FBXO7: variants seen among roughly 807,000 people sequenced by gnomAD.
FBXO7 encodes the protein F-box protein 7, also known as F-box only protein 7.
Under a neutral mutation model 50.2 loss-of-function variants are expected in FBXO7, and 31 were observed. The observed-to-expected ratio is 0.62, with a 90% CI of 0.46 to 0.83. The LOEUF (loss-of-function observed/expected upper bound fraction) is 0.83. Ranked by LOEUF, FBXO7 falls within the 40% of genes least tolerant of loss-of-function variation. FBXO7 has a pLI of 0.00. For missense variants in FBXO7, 667 were observed against 646.6 expected (o/e 1.03, Z -0.34); for synonymous variants, 256 against 253.1 (o/e 1.01, Z -0.11).
Position 32,474,943 on chromosome 22 carries a change from C to T in FBXO7, c.-60C>T. On this transcript the variant is annotated 5_prime_UTR_variant, in exon 1 of 9. Coordinates refer to ENST00000266087, the MANE Select transcript of FBXO7 (RefSeq NM_012179.4). Reference sequence around the variant, plus strand: ...CCGTTTGGGGCGGGAGCTGCTCGGCCCCGCCGCCGTCCCCGTCGCCGCTTC... The same window carrying T: ...CCGTTTGGGGCGGGAGCTGCTCGGCTCCGCCGCCGTCCCCGTCGCCGCTTC... 2.0e-6 allele frequency: 3 copies of T among 1,480,870 alleles called. No individual in the cohort carries two copies. Among genetic ancestry groups the T allele is most frequent in the South Asian group, 1.3e-5 (1 of 77,712 alleles). The allele number at this position is 1,480,870 out of a possible 1,614,324, so 91.7% of individuals were successfully genotyped here.
chr22:32,495,437 T>G (rs2057567801), intron 7 of FBXO7, 56 bp from the exon 8 acceptor site: 3 of 1,222,148 alleles, frequency 2.5e-6, no homozygotes, highest in Non-Finnish European at 3.6e-6. Flanking sequence ...ACCCACTGTT[T>G]AATGCAGGAC....
intron 4 of FBXO7, among the ~76,000 whole-genome samples, chr22:32,486,356 CAG>C (rs1433227115): frequency 2.6e-5 from 4 of 151,762 alleles, no homozygotes; most frequent in Non-Finnish European, 5.9e-5. Context: ...TTTTTTGAGA[CAG>C]GGTCTTGCTC....
intron 2 of FBXO7, 39 bp downstream of exon 2, chr22:32,479,314 A>G (rs1601503875): frequency 6.3e-7 from 1 of 1,588,898 alleles, no homozygotes. Flanking sequence ...AGAGTAGGTG[A>G]TAAGTCATAT....
chr22:32,492,649 C>A, intron 6 of FBXO7: 1 of 220,388 alleles, frequency 4.5e-6, no homozygotes, highest in Non-Finnish European at 9.1e-6. Context: ...TAATATTAAT[C>A]CATTTTACAG....
At chr22:32,491,013 G>A in intron 5 of FBXO7, 73 bp from the exon 6 acceptor site, 1 of 1,000,170 alleles carries the variant, frequency 1.0e-6, no homozygotes, top group Non-Finnish European at 1.6e-6. Context: ...CATGTTGATT[G>A]GGTTTGGCAG....
chr22:32,476,762 T>G (rs2057431661), intron 1 of FBXO7, among the ~76,000 whole-genome samples: 1 of 152,232 alleles, frequency 6.6e-6, no homozygotes, highest in South Asian at 2.1e-4. Context: ...TAGGCAGAGC[T>G]GCCATGAAAT....
chr22:32,479,398 T>TTTA, intron 2 of FBXO7, 123 bp downstream of exon 2: 1 of 890,230 alleles, frequency 1.1e-6, no homozygotes, highest in Non-Finnish European at 1.6e-6. Context: ...TATATATTTT[T>TTTA]TTCTTTTTTT....
intron 2 of FBXO7, among the ~76,000 whole-genome samples, chr22:32,480,911 C>T (rs2057460513): frequency 6.6e-6 from 1 of 152,148 alleles, no homozygotes; most frequent in Non-Finnish European, 1.5e-5. Context: ...AGTGACCTGC[C>T]CACCTTGGCC....
chr22:32,486,099 A>T (rs2145995124), intron 4 of FBXO7, among the ~76,000 whole-genome samples: 1 of 152,278 alleles, frequency 6.6e-6, no homozygotes, highest in Non-Finnish European at 1.5e-5. Flanking sequence ...GGTTTTCAGT[A>T]TGTTCTGTAG....
In FBXO7 at chr22:32,498,421, C is replaced by T. The variant is rs146238351; in HGVS notation, c.1460C>T (p.Pro487Leu). Residue 487 changes from proline (P) to leucine (L), a missense_variant, in exon 9 of 9, where the codon CCA (proline) becomes CTA (leucine). Transcript: ENST00000266087. Reference sequence around the variant, plus strand: ...AGACCACGCTTTGATCCAGTTGGCCCACTTCCAGGACCTAACCCCATCTTG... The same window carrying T: ...AGACCACGCTTTGATCCAGTTGGCCTACTTCCAGGACCTAACCCCATCTTG... ...PLRPRFDPVG[P>L]LPGPNPILPG... The T allele has an allele frequency of 6.8e-6, 11 of 1,614,074 alleles. No individual in the cohort carries two copies. The highest frequency in any genetic ancestry group is 9.3e-6 in the Non-Finnish European group (11 of 1,180,038).
chr22:32,497,738 G>A (rs2057584502), intron 8 of FBXO7, among the ~76,000 whole-genome samples: 1 of 152,172 alleles, frequency 6.6e-6, no homozygotes, highest in Admixed American at 6.5e-5. Flanking sequence ...CTTCACTGTT[G>A]TATTATTTTA....
intron 1 of FBXO7, 65 bp downstream of exon 1, chr22:32,475,189 G>T: frequency 6.6e-7 from 1 of 1,517,426 alleles, no homozygotes; most frequent in South Asian, 1.2e-5. Context: ...GGTGCAGGGC[G>T]GGTTGGCGTC....
chr22:32,478,845 C>A, intron 1 of FBXO7, 136 bp from the exon 2 acceptor site: 1 of 878,086 alleles, frequency 1.1e-6, no homozygotes, highest in Non-Finnish European at 1.8e-6. Context: ...CCAGCCTGGA[C>A]AACATAGTGA....
rs1180964743 is a variant in FBXO7 at position 32,478,631 on chromosome 22, G to A, written c.123-350G>A. 2.0e-5 allele frequency among the ~76,000 whole-genome samples: 3 copies of A among 152,170 alleles called. No homozygotes were observed. In the East Asian group the frequency reaches 5.8e-4, roughly 29 times the overall value. On this transcript the variant is annotated intron_variant, in intron 1 of 8. Coordinates refer to ENST00000266087, the MANE Select transcript of FBXO7 (RefSeq NM_012179.4). ...GCTCCTCTGGAGGCTGAGGTGAGAG[G>A]ATTGCTTGAGCCCAGGAATTTGAGG...
intron 6 of FBXO7, chr22:32,491,583 ATATAGACATATATTTAGATATATATG>A (rs2057536526): frequency 3.5e-5 from 3 of 84,938 alleles, no homozygotes; most frequent in East Asian, 3.9e-4. Context: ...ATATATGTCT[ATATAGACATATATTTAGATATATATG>A]TCTATATAGA....
At position 32,474,841 on chromosome 22, in the gene FBXO7, G is replaced by T; in HGVS notation, c.-162G>T. The T allele has an allele frequency of 1.5e-6, 1 of 684,386 alleles. No homozygotes were observed. Among genetic ancestry groups the T allele is most frequent in the Non-Finnish European group, 2.3e-6 (1 of 427,150 alleles). 42.4% of individuals were successfully genotyped at this position (684,386 alleles called of 1,614,324 possible). ...ATTCCAGAGACCGAGTGGCAGGGCG[G>T]CCACTGTGGCGGGGCTCTTTCCCCG... On this transcript the variant is annotated 5_prime_UTR_variant, in exon 1 of 9. Transcript: ENST00000266087.
At position 32,493,180 on chromosome 22, in the gene FBXO7, A is replaced by G. The variant is rs2057549225; in HGVS notation, c.1043A>G (p.Asp348Gly). 1 of 1,613,934 alleles carries G rather than the reference A, an allele frequency of 6.2e-7. No homozygotes were observed. The highest frequency in any genetic ancestry group is 1.3e-5 in the African/African-American group (1 of 74,868). Residue 348 changes from aspartate to glycine, a missense_variant, in exon 7 of 9, where the codon GAT becomes GGT. Asp to Gly is a moderately conservative substitution (Grantham distance 94, BLOSUM62 -1). Coordinates refer to ENST00000266087, the MANE Select transcript of FBXO7 (RefSeq NM_012179.4). ...ELKLRIFRLL[D>G]VRSVLSLSAV... ...AAACTACGGATCTTCCGACTTCTGG[A>G]TGTTCGTTCCGTCTTGTCTTTGTCT...
chr22:32,494,500 C>T (rs972343027), intron 7 of FBXO7, among the ~76,000 whole-genome samples: 1 of 151,998 alleles, frequency 6.6e-6, no homozygotes, highest in Admixed American at 6.6e-5. Flanking sequence ...CGCCCCCACA[C>T]CTGGCCAATT....
At chr22:32,493,341 C>T (rs1333780175) in intron 7 of FBXO7, 60 bp downstream of exon 7, 77 of 1,449,926 alleles carry the variant, frequency 5.3e-5, no homozygotes, top group Non-Finnish European at 7.3e-5. Context: ...TTACTCAGCT[C>T]ACCAAAAGTT....
Sources: allele counts gnomAD v4.1 joint callset (sites outside exome capture counted in the v4.1 genomes callset), GRCh38; gene constraint gnomAD v4.1.1; transcripts MANE v1.5; gene names NCBI Gene and HGNC (gene_info 2026-07-23, HGNC 2026-07-21).